GPC6: variants seen among roughly 807,000 people sequenced by gnomAD.
GPC6 encodes glypican 6, also known as glypican-6.
Under a neutral mutation model 55.2 loss-of-function variants are expected in GPC6, and 14 were observed. The ratio of observed to expected loss-of-function variants is 0.25; its 90% confidence interval spans 0.17 to 0.40. The LOEUF is 0.40. GPC6 is among the 10% of genes least tolerant of loss of function. The pLI is 1.00. For synonymous variants in GPC6, 278 were observed against 259.6 expected (o/e 1.07, Z -0.68); for missense variants, 641 against 708.5 (o/e 0.90, Z 1.08).
At chr13:93,572,174 T>C (rs1025631875) in intron 2 of GPC6, among the ~76,000 whole-genome samples, 3 of 152,188 alleles carry the variant, frequency 2.0e-5, no homozygotes, top group Non-Finnish European at 4.4e-5. Context: ...ACAGTACCTG[T>C]AGACTTTCAG....
chr13:93,836,200 G>GA (rs544516314), intron 3 of GPC6: 1 of 152,248 alleles, frequency 6.6e-6, no homozygotes, highest in African/African-American at 2.4e-5. Flanking sequence ...GCACTATAAG[G>GA]AAAAATGTTA....
intron 2 of GPC6, among the ~76,000 whole-genome samples, chr13:93,652,824 T>TAC (rs1566469963): frequency 5.9e-5 from 9 of 152,246 alleles, no homozygotes; most frequent in Non-Finnish European, 1.0e-4. Context: ...CTTTGAATGT[T>TAC]ACATTTTGTC....
At chr13:93,669,184 A>C (rs1306470119) in intron 2 of GPC6, among the ~76,000 whole-genome samples, 1 of 152,100 alleles carries the variant, frequency 6.6e-6, no homozygotes, top group Non-Finnish European at 1.5e-5. Context: ...TGCCACCATA[A>C]CAGGACCATT....
chr13:93,635,770 A>G (rs1010642467), intron 2 of GPC6, among the ~76,000 whole-genome samples: 1 of 152,172 alleles, frequency 6.6e-6, no homozygotes, highest in African/African-American at 2.4e-5. Context: ...CACAGAACAT[A>G]TCTTTTCATA....
chr13:93,563,927 G>T (rs1459036224), intron 2 of GPC6, among the ~76,000 whole-genome samples: 1 of 151,902 alleles, frequency 6.6e-6, no homozygotes. Flanking sequence ...GTAGTGTTTG[G>T]TTACATGAAT....
rs189424143 is a variant in GPC6 at position 93,450,077 on chromosome 13, C to T, written c.161-95186C>T. 1.4e-3 allele frequency among the ~76,000 whole-genome samples: 213 copies of T among 152,232 alleles called. 1 individual carries two copies. The highest frequency in any genetic ancestry group is 2.8e-3 in the Non-Finnish European group (190 of 68,020). The stretch of plus-strand genomic sequence containing the variant: ...GTGCGATTACAGGCGTGAGCCACCG[C>T]GCCTGGCCAGGTTCCACTCTTGCTC... On this transcript the variant is annotated intron_variant, in intron 1 of 8. Coordinates refer to ENST00000377047, the MANE Select transcript of GPC6 (RefSeq NM_005708.5).
intron 1 of GPC6, among the ~76,000 whole-genome samples, chr13:93,499,110 C>CAA (rs1880424888): frequency 6.6e-6 from 1 of 151,840 alleles, no homozygotes; most frequent in Non-Finnish European, 1.5e-5. Flanking sequence ...CACACACACA[C>CAA]ACACACACAG....
At chr13:93,719,896 C>A (rs911926823) in intron 2 of GPC6, among the ~76,000 whole-genome samples, 1 of 151,972 alleles carries the variant, frequency 6.6e-6, no homozygotes, top group African/African-American at 2.4e-5. Flanking sequence ...TATTGATTTG[C>A]ATATGTTGAA....
rs1399903057 is a variant in GPC6, at chr13:94,288,846, TATATATAATAA to T, written c.1008+2375_1008+2385del. ...ATATATATTTGTTATATATAACAAATATATATAATAAATATATATATTTGTTATATATATAA... is the reference window on the plus strand; with the variant it reads ...ATATATATTTGTTATATATAACAAATATATATATATTTGTTATATATATAA... On this transcript the variant is annotated intron_variant, in intron 5 of 8. Coordinates refer to ENST00000377047, the MANE Select transcript of GPC6 (RefSeq NM_005708.5). Among the ~76,000 whole-genome samples, 130 of 98,398 alleles carry T rather than the reference TATATATAATAA, an allele frequency of 1.3e-3. 2 individuals are homozygous for T. The highest frequency in any genetic ancestry group is 3.5e-3 in the East Asian group (14 of 3,950). The allele number at this position is 98,398 out of a possible 152,430, so 64.6% of individuals were successfully genotyped here. A position where few individuals can be genotyped will look rare whatever the true frequency, so the allele number is the denominator to read the frequency against.
chr13:94,160,099 C>A (rs1313710551), intron 4 of GPC6, among the ~76,000 whole-genome samples: 1 of 152,072 alleles, frequency 6.6e-6, no homozygotes, highest in Admixed American at 6.5e-5. Flanking sequence ...ATATTCCATA[C>A]GATAAGATAT....
intron 2 of GPC6, among the ~76,000 whole-genome samples, chr13:93,579,175 G>C (rs968789350): frequency 2.6e-5 from 4 of 152,072 alleles, no homozygotes; most frequent in Admixed American, 2.6e-4. Flanking sequence ...CGTGGTGTTT[G>C]ATAGGTCAGT....
intron 3 of GPC6, among the ~76,000 whole-genome samples, chr13:93,859,597 C>T (rs1177441167): frequency 6.6e-6 from 1 of 151,640 alleles, no homozygotes; most frequent in Non-Finnish European, 1.5e-5. Flanking sequence ...ATCATTTTGA[C>T]CAAGAGAAAG....
chr13:94,061,852 A>G (rs149551678), intron 4 of GPC6, among the ~76,000 whole-genome samples: 47 of 152,230 alleles, frequency 3.1e-4, no homozygotes, highest in African/African-American at 1.1e-3. Context: ...GGTCTACTAC[A>G]AGAAACCTAC....
At chr13:93,574,694 C>A (rs1876573892) in intron 2 of GPC6, among the ~76,000 whole-genome samples, 1 of 152,060 alleles carries the variant, frequency 6.6e-6, no homozygotes, top group South Asian at 2.1e-4. Context: ...CATTACCCCC[C>A]AAAAATCTTT....
chr13:93,769,432 A>G, intron 2 of GPC6, among the ~76,000 whole-genome samples: 1 of 99,860 alleles, frequency 1.0e-5, no homozygotes, highest in Non-Finnish European at 2.5e-5. Flanking sequence ...GCTGCACGTG[A>G]CAAAAAAAAA....
At chr13:93,869,911 C>G (rs1889078319) in intron 3 of GPC6, among the ~76,000 whole-genome samples, 1 of 151,778 alleles carries the variant, frequency 6.6e-6, no homozygotes, top group South Asian at 2.1e-4. Context: ...GAATGTTTTT[C>G]AAAAGAGGAC....
intron 3 of GPC6, among the ~76,000 whole-genome samples, chr13:93,866,034 G>A (rs374464360): frequency 5.3e-5 from 8 of 151,768 alleles, no homozygotes; most frequent in South Asian, 2.1e-4. Flanking sequence ...GAGCAGAGGC[G>A]GAGTCCTTGA....
chr13:93,969,040 G>T (rs976944808), intron 3 of GPC6, among the ~76,000 whole-genome samples: 1 of 152,166 alleles, frequency 6.6e-6, no homozygotes, highest in African/African-American at 2.4e-5. Flanking sequence ...CCCTTGGGAT[G>T]CCTTGATGCT....
chr13:93,918,803 T>C (rs984651995), intron 3 of GPC6, among the ~76,000 whole-genome samples: 24 of 152,216 alleles, frequency 1.6e-4, no homozygotes, highest in South Asian at 1.2e-3. Context: ...AAGATCTTCA[T>C]TGGGAGAGGT....
Sources: gnomAD v4.1 joint callset for allele counts (sites outside exome capture counted in the v4.1 genomes callset) on GRCh38, gnomAD v4.1.1 for gene constraint, MANE v1.5 for transcripts, NCBI Gene and HGNC (gene_info 2026-07-23, HGNC 2026-07-21) for gene names.